Variants in PRKN observed in about 807,000 individuals in gnomAD.
The protein encoded by PRKN is parkin RBR E3 ubiquitin protein ligase, also known as E3 ubiquitin-protein ligase parkin.
PRKN carries 56 observed loss-of-function variants against 59.5 expected under a neutral mutation model. The observed-to-expected ratio is 0.94, with a 90% CI of 0.76 to 1.18. The LOEUF is 1.18. Ranked by LOEUF, PRKN falls within the 50% of genes most tolerant of loss-of-function variation. The probability of loss-of-function intolerance (pLI) is 0.00; values close to 1 mark genes in which losing one functional copy is unlikely to be tolerated. For missense variants in PRKN, 657 were observed against 596.4 expected (o/e 1.10, Z -1.06); for synonymous variants, 250 against 222.1 (o/e 1.13, Z -1.12).
At chr6:161,949,739 C>T (rs1779916718) in intron 6 of PRKN, among the ~76,000 whole-genome samples, 1 of 152,182 alleles carries the variant, frequency 6.6e-6, no homozygotes, top group Admixed American at 6.5e-5. Flanking sequence ...GATGACTAAC[C>T]ACCTCCTCTG....
intron 4 of PRKN, among the ~76,000 whole-genome samples, chr6:162,130,545 T>C (rs1441131401): frequency 6.6e-6 from 1 of 152,134 alleles, no homozygotes; most frequent in Non-Finnish European, 1.5e-5. Flanking sequence ...TGCATTCACA[T>C]TGGGAGGTGC....
intron 7 of PRKN, among the ~76,000 whole-genome samples, chr6:161,661,741 C>T (rs12528063): frequency 0.2 from 30,243 of 152,100 alleles, 3,172 homozygotes; most frequent in Non-Finnish European, 0.23. Flanking sequence ...GGTACAAGTA[C>T]GCTGGGCACA....
chr6:162,281,026 G>T (rs745617699), intron 2 of PRKN, among the ~76,000 whole-genome samples: 4 of 151,800 alleles, frequency 2.6e-5, no homozygotes, highest in Admixed American at 6.6e-5. Context: ...ACCAACACAG[G>T]AACAGAAAAA....
intron 6 of PRKN, among the ~76,000 whole-genome samples, chr6:161,868,704 T>C (rs75619160): frequency 0.038 from 5,831 of 152,254 alleles, 152 homozygotes; most frequent in South Asian, 0.085. Flanking sequence ...ATATCATCAC[T>C]AAGCAGACAT....
At position 161,623,974 on chromosome 6, in the gene PRKN, C is replaced by T. The variant is rs956167705; in HGVS notation, c.872-54558G>A. On this transcript the variant is annotated intron_variant, in intron 7 of 11. Coordinates refer to ENST00000366898, the MANE Select transcript of PRKN (RefSeq NM_004562.3). Reference sequence around the variant, plus strand: ...CTAATATTTGATAATAAACACAACACATTAATTTTTCACTTTTCTTTGAAT... The same window carrying T: ...CTAATATTTGATAATAAACACAACATATTAATTTTTCACTTTTCTTTGAAT... 2.0e-5 allele frequency among the ~76,000 whole-genome samples: 3 copies of T among 152,170 alleles called. No individual in the cohort carries two copies. In the East Asian group the frequency reaches 5.8e-4, roughly 29 times the overall value.
At chr6:162,453,886 A>G (rs1316902708) in intron 1 of PRKN, among the ~76,000 whole-genome samples, 1 of 152,110 alleles carries the variant, frequency 6.6e-6, no homozygotes. Context: ...CTGGGCGACA[A>G]GAGTGAGACT....
chr6:162,131,348 T>C (rs986962666), intron 4 of PRKN, among the ~76,000 whole-genome samples: 2 of 152,152 alleles, frequency 1.3e-5, no homozygotes, highest in South Asian at 2.1e-4. Flanking sequence ...AATGGCCAAA[T>C]GAATTTTAGT....
At chr6:162,034,785 A>G (rs527385915) in intron 5 of PRKN, among the ~76,000 whole-genome samples, 2 of 152,334 alleles carry the variant, frequency 1.3e-5, no homozygotes, top group South Asian at 4.1e-4. Context: ...TAACTTTTTC[A>G]GTCAGGAAAA....
At position 161,533,203 on chromosome 6, in the gene PRKN, T is replaced by C. The variant is rs188980427; in HGVS notation, c.1083+15651A>G. On this transcript the variant is annotated intron_variant, in intron 9 of 11. Transcript: ENST00000366898. This position sits in a 1 kb window ranked among gnomAD's most constrained non-coding sequence, Gnocchi z 4.1. ...CTGAGGTATTAGTCTTAAATGCATA[T>C]GATATTACAAAACTAAAATTCTTAA... Among the ~76,000 whole-genome samples, 22 of 152,294 alleles carry C rather than the reference T, an allele frequency of 1.4e-4. No homozygotes were observed. Among genetic ancestry groups the C allele is most frequent in the Non-Finnish European group, 2.9e-5 (2 of 68,028 alleles).
At chr6:161,893,522 C>T (rs9347555) in intron 6 of PRKN, among the ~76,000 whole-genome samples, 76,283 of 152,054 alleles carry the variant, frequency 0.5, 21,411 homozygotes, top group African/African-American at 0.76. Flanking sequence ...GTTATCACTA[C>T]GTTACTGTTG....
At position 161,470,777 on chromosome 6, in the gene PRKN, G is replaced by C. The variant is rs921549053; in HGVS notation, c.1083+78077C>G. Among the ~76,000 whole-genome samples the C allele has an allele frequency of 1.3e-5, 2 of 152,186 alleles. No individual in the cohort carries two copies. The highest frequency in any genetic ancestry group is 4.8e-5 in the African/African-American group (2 of 41,448). On this transcript the variant is annotated intron_variant, in intron 9 of 11. Coordinates refer to ENST00000366898, the MANE Select transcript of PRKN (RefSeq NM_004562.3). The surrounding 1 kb of genome is among the most constrained non-coding windows in gnomAD (Gnocchi z 5.1). ...ACTGTTCCAGTGATGTGCCTACCCT[G>C]AGCCCGAAGGCTGCCTGAAGGGCTG... is the stretch of plus-strand genomic sequence containing the variant.
chr6:161,845,661 C>T (rs575554220), intron 6 of PRKN, among the ~76,000 whole-genome samples: 5 of 152,254 alleles, frequency 3.3e-5, no homozygotes, highest in East Asian at 3.9e-4. Context: ...TCCGTAAAGA[C>T]ATTAAAGATA....
intron 4 of PRKN, among the ~76,000 whole-genome samples, chr6:162,100,610 T>G (rs1293016537): frequency 6.6e-6 from 1 of 152,048 alleles, no homozygotes; most frequent in African/African-American, 2.4e-5. Context: ...CCTAGATAAC[T>G]TTTGTATTTT....
intron 4 of PRKN, among the ~76,000 whole-genome samples, chr6:162,141,328 T>C (rs1781771438): frequency 6.6e-6 from 1 of 152,234 alleles, no homozygotes; most frequent in East Asian, 1.9e-4. Flanking sequence ...TTCAAAACTT[T>C]GAAAGTATAT....
chr6:162,096,184 G>A (rs1053632739), intron 4 of PRKN, among the ~76,000 whole-genome samples: 2 of 152,090 alleles, frequency 1.3e-5, no homozygotes, highest in Admixed American at 1.3e-4. Context: ...ATCAGAACCC[G>A]AGGATTTGTT....
rs192327175 is a variant in PRKN at position 162,077,765 on chromosome 6, C to T, written c.535-23591G>A. On this transcript the variant is annotated intron_variant, in intron 4 of 11. Coordinates refer to ENST00000366898, the MANE Select transcript of PRKN (RefSeq NM_004562.3). ...CTGTAATCCCAGAACTTTGAGAGGC[C>T]GAGGCGGGTGGATCACCTGAGATCA... 1.6e-3 allele frequency among the ~76,000 whole-genome samples: 250 copies of T among 151,904 alleles called. 2 individuals carry two copies. Among genetic ancestry groups the T allele is most frequent in the African/African-American group, 5.7e-3 (237 of 41,348 alleles).
chr6:161,630,282 C>A lies in PRKN; in HGVS notation c.872-60866G>T, dbSNP rs548901461. 2.6e-5 allele frequency among the ~76,000 whole-genome samples: 4 copies of A among 152,224 alleles called. No individual in the cohort carries two copies. In the East Asian group the frequency reaches 7.7e-4, roughly 29 times the overall value. Reference sequence around the variant, plus strand: ...GGAACTGCCGAGCACCCACCAATAACTCCCTAGTTTGAAAACGTGGCCAAT... The same window carrying A: ...GGAACTGCCGAGCACCCACCAATAAATCCCTAGTTTGAAAACGTGGCCAAT... On this transcript the variant is annotated intron_variant, in intron 7 of 11. Transcript: ENST00000366898.
intron 5 of PRKN, among the ~76,000 whole-genome samples, chr6:161,979,094 T>C (rs1272267584): frequency 6.6e-6 from 1 of 152,012 alleles, no homozygotes; most frequent in Non-Finnish European, 1.5e-5. Flanking sequence ...ATACCAATAG[T>C]CACTTCTGGG....
chr6:161,524,050 C>A (rs564238848), intron 9 of PRKN, among the ~76,000 whole-genome samples: 2 of 152,238 alleles, frequency 1.3e-5, no homozygotes, highest in African/African-American at 4.8e-5. Flanking sequence ...ATTATTTTTT[C>A]ATTAAATATT....
Sources: gnomAD v4.1 joint callset for allele counts (sites outside exome capture counted in the v4.1 genomes callset) on GRCh38, gnomAD v4.1.1 for gene constraint, Gnocchi (gnomAD v3.1) non-coding constraint, MANE v1.5 for transcripts, NCBI Gene and HGNC (gene_info 2026-07-23, HGNC 2026-07-21) for gene names.